FCN1: variants seen among roughly 807,000 people sequenced by gnomAD.
FCN1 encodes ficolin 1, also known as ficolin-1.
FCN1 carries 42 observed loss-of-function variants against 35.6 expected under a neutral mutation model. That is an observed-to-expected ratio of 1.18 (90% CI 0.92 to 1.53). The LOEUF is 1.53. FCN1 is among the 40% of genes most tolerant of loss of function. FCN1 has a pLI of 0.00. For synonymous variants in FCN1, 179 were observed against 169.8 expected (o/e 1.05, Z -0.42); for missense variants, 439 against 428.4 (o/e 1.02, Z -0.22).
At chr9:134,914,053 A>G (rs1588152865) in intron 4 of FCN1, among the ~76,000 whole-genome samples, 1 of 152,332 alleles carries the variant, frequency 6.6e-6, no homozygotes, top group Middle Eastern at 3.4e-3. Flanking sequence ...GGAGCGTGGT[A>G]CAGTGTATTA....
At position 134,914,389 on chromosome 9, in the gene FCN1, C is replaced by T; in HGVS notation, c.303G>A (p.Glu101=). The T allele has an allele frequency of 6.2e-7, 1 of 1,614,124 alleles. No individual in the cohort carries two copies. The highest frequency in any genetic ancestry group is 8.5e-7 in the Non-Finnish European group (1 of 1,179,946). Reference sequence around the variant, plus strand: ...CTGGGCCCACGGGTGGCTCACCTTTCTCTCCACGCATCCCCTTCTCTCCTC... The same window carrying T: ...CTGGGCCCACGGGTGGCTCACCTTTTTCTCCACGCATCCCCTTCTCTCCTC... ...GDRGEKGMRG[E]KGDAGQSQSC... The change falls in exon 4 of 9, where the codon GAG becomes GAA. Residue 101 remains glutamate (E), a synonymous_variant. Transcript: ENST00000371806.
At position 134,914,008 on chromosome 9, in the gene FCN1, GCC is replaced by G. The variant is rs552398089; in HGVS notation, c.307+375_307+376del. 2.8e-3 allele frequency among the ~76,000 whole-genome samples: 424 copies of G among 152,340 alleles called. 2 individuals are homozygous for G. Among genetic ancestry groups the G allele is most frequent in the African/African-American group, 9.3e-3 (388 of 41,576 alleles). ...GGACTCAGGTATCGGCGGACCCTCAGCCCCCGGCTCCGGTTTTCATTTGTGTT... is the reference window on the plus strand; with the variant it reads ...GGACTCAGGTATCGGCGGACCCTCAGCCCGGCTCCGGTTTTCATTTGTGTT... On this transcript the variant is annotated intron_variant, in intron 4 of 8. Transcript: ENST00000371806.
In FCN1 at chr9:134,914,811, T is replaced by C. The variant is rs750414626; in HGVS notation, c.218-2A>G. 1.9e-6 allele frequency: 3 copies of C among 1,610,762 alleles called. No individual in the cohort carries two copies. The highest frequency in any genetic ancestry group is 2.5e-6 in the Non-Finnish European group (3 of 1,177,952). ...GGGCTCCAGGGAGACCGCGTTCTCC[T>C]GAAAATTCCAAAGACATATCACTGA... On this transcript the variant is annotated splice_acceptor_variant, in intron 2 of 8. Transcript: ENST00000371806. LOFTEE classifies it high-confidence loss of function.
rs969599711 is a variant in FCN1, at chr9:134,905,621, C to G, written c.*4177G>C. On this transcript the variant is annotated 3_prime_UTR_variant, in exon 9 of 9. Transcript: ENST00000371806. ...GCCTCAGCTTCTCGAGTAGCTGGGA[C>G]GATAGGCATCCCCCACCATGAACGG... Among the ~76,000 whole-genome samples, 1 of 151,618 alleles carries G rather than the reference C, an allele frequency of 6.6e-6. No homozygotes were observed. The highest frequency in any genetic ancestry group is 2.4e-5 in the African/African-American group (1 of 41,170).
intron 2 of FCN1, among the ~76,000 whole-genome samples, chr9:134,915,380 G>C (rs1488903532): frequency 3.3e-5 from 5 of 152,308 alleles, no homozygotes; most frequent in Admixed American, 6.5e-5. Flanking sequence ...GACCCCAGTG[G>C]CTGGGGAGAG....
In FCN1 at chr9:134,909,776, A is replaced by G; in HGVS notation, c.*22T>C. 1.2e-6 allele frequency: 2 copies of G among 1,611,640 alleles called. No individual in the cohort carries two copies. Among genetic ancestry groups the G allele is most frequent in the Non-Finnish European group, 1.7e-6 (2 of 1,179,796 alleles). The stretch of plus-strand genomic sequence containing the variant: ...GTGTGGCCTCCCCACTAGCAGGTGC[A>G]TGTGGAGGGGTCCTGGCCCGTCTAG... On this transcript the variant is annotated 3_prime_UTR_variant, in exon 9 of 9. Coordinates refer to ENST00000371806, the MANE Select transcript of FCN1 (RefSeq NM_002003.5).
At position 134,912,606 on chromosome 9, in the gene FCN1, G is replaced by C. The variant is rs143226419; in HGVS notation, c.478C>G (p.Arg160Gly). 1 of 1,613,972 alleles carries C rather than the reference G, an allele frequency of 6.2e-7. No individual in the cohort carries two copies. Among genetic ancestry groups the C allele is most frequent in the South Asian group, 1.1e-5 (1 of 91,088 alleles). Reference sequence around the variant, plus strand: ...AAGTCCACAGAGCCATCCATCCTCCGCTGGAAAACCTGTGAAGAAGCCAGG... The same window carrying C: ...AAGTCCACAGAGCCATCCATCCTCCCCTGGAAAACCTGTGAAGAAGCCAGG... ...TDGGGWTVFQ[R>G]RMDGSVDFYR... Residue 160 changes from arginine to glycine, a missense_variant, in exon 7 of 9, where the codon CGG becomes GGG. Arg to Gly is a moderately radical substitution (Grantham distance 125). Transcript: ENST00000371806.
In FCN1 at chr9:134,905,428, G is replaced by T. The variant is rs1830930701; in HGVS notation, c.*4370C>A. ...CAAAAGCTCTCTCAGTTCTGCTGAT[G>T]TGAGTTGGGGAGGAATTGGTGATGG... On this transcript the variant is annotated 3_prime_UTR_variant, in exon 9 of 9. Transcript: ENST00000371806. 1.3e-5 allele frequency among the ~76,000 whole-genome samples: 2 copies of T among 152,234 alleles called. No individual in the cohort carries two copies. The highest frequency in any genetic ancestry group is 2.9e-5 in the Non-Finnish European group (2 of 68,036).
rs1424668982 is a variant in FCN1 at position 134,903,693 on chromosome 9, A to T, written c.*6105T>A. Among the ~76,000 whole-genome samples the T allele has an allele frequency of 1.3e-5, 2 of 152,208 alleles. No individual in the cohort carries two copies. Among genetic ancestry groups the T allele is most frequent in the African/African-American group, 2.4e-5 (1 of 41,456 alleles). On this transcript the variant is annotated 3_prime_UTR_variant, in exon 9 of 9. Transcript: ENST00000371806. ...CAAGTGTGCCAAAAAACTAAGATTA[A>T]AAAGAAACAAAAAACAGAAGATAAG...
Position 134,917,350 on chromosome 9 carries a change from C to T in FCN1, c.103+419G>A, listed in dbSNP as rs140995990. Among the ~76,000 whole-genome samples, 330 of 152,334 alleles carry T rather than the reference C, an allele frequency of 2.2e-3. 1 individual carries two copies. Among genetic ancestry groups the T allele is most frequent in the South Asian group, 0.011 (52 of 4,822 alleles). On this transcript the variant is annotated intron_variant, in intron 1 of 8. Coordinates refer to ENST00000371806, the MANE Select transcript of FCN1 (RefSeq NM_002003.5). ...AAACCCTTGTCCCTATCAACTGATT[C>T]CGACTCTCTTGGAGGAGAGCCAGAA...
rs1441752328 is a variant in FCN1 at position 134,908,080 on chromosome 9, G to A, written c.*1718C>T. On this transcript the variant is annotated 3_prime_UTR_variant, in exon 9 of 9. Transcript: ENST00000371806. ...AGTGTATGCAAATCTCCCTCCCACA[G>A]TCACCTTTGACACTGGTGCTATCCA... 6.6e-6 allele frequency: 1 copy of A among 152,308 alleles called. No individual in the cohort carries two copies. The highest frequency in any genetic ancestry group is 2.4e-5 in the African/African-American group (1 of 41,430). The allele number at this position is 152,308 out of a possible 1,614,324, so 9.4% of individuals were successfully genotyped here.
intron 8 of FCN1, among the ~76,000 whole-genome samples, chr9:134,910,371 C>G (rs1360592494): frequency 6.6e-6 from 1 of 152,182 alleles, no homozygotes; most frequent in Non-Finnish European, 1.5e-5. Flanking sequence ...TCCTTCCGGT[C>G]TCTCCCCACG....
intron 2 of FCN1, among the ~76,000 whole-genome samples, chr9:134,915,404 G>C (rs1003527295): frequency 6.6e-6 from 1 of 152,176 alleles, no homozygotes; most frequent in Non-Finnish European, 1.5e-5. Context: ...ATGGGGGCTG[G>C]TTCTTGCTTT....
intron 2 of FCN1, among the ~76,000 whole-genome samples, chr9:134,915,657 A>G (rs778709787): frequency 6.6e-6 from 1 of 152,156 alleles, no homozygotes; most frequent in Non-Finnish European, 1.5e-5. Flanking sequence ...AGCTTGTCCC[A>G]TCTACACTGG....
rs147309328 is a variant in FCN1 at position 134,913,113 on chromosome 9, C to T, written c.371G>A (p.Arg124Gln). 7.7e-4 allele frequency: 1,249 copies of T among 1,613,940 alleles called. 1 individual carries two copies. The highest frequency in any genetic ancestry group is 1.0e-3 in the Non-Finnish European group (1,200 of 1,179,948). ...GPRNCKDLLD[R>Q]GYFLSGWHTI... is the part of the protein sequence containing the mutation. Reference sequence around the variant, plus strand: ...GTGCCAGCCGCTCAGGAAATACCCCCGGTCTAGCAGGTCCTTGCAGTTGCG... The same window carrying T: ...GTGCCAGCCGCTCAGGAAATACCCCTGGTCTAGCAGGTCCTTGCAGTTGCG... The change falls in exon 6 of 9, where the codon CGG (arginine) becomes CAG (glutamine). Residue 124 changes from arginine to glutamine, a missense_variant. Arg to Gln is a conservative substitution (Grantham distance 43, BLOSUM62 1). Transcript: ENST00000371806.
rs560849342 is a variant in FCN1 at position 134,905,731 on chromosome 9, G to C, written c.*4067C>G. 6.6e-6 allele frequency among the ~76,000 whole-genome samples: 1 copy of C among 151,186 alleles called. No homozygotes were observed. The highest frequency in any genetic ancestry group is 1.5e-5 in the Non-Finnish European group (1 of 67,870). On this transcript the variant is annotated 3_prime_UTR_variant, in exon 9 of 9. Coordinates refer to ENST00000371806, the MANE Select transcript of FCN1 (RefSeq NM_002003.5). Reference sequence around the variant, plus strand: ...GATCTCCTGACCTTGTGATCCGCCCGCCTCGGCCTCCCAAAGTGCTGGGAT... The same window carrying C: ...GATCTCCTGACCTTGTGATCCGCCCCCCTCGGCCTCCCAAAGTGCTGGGAT...
At position 134,917,835 on chromosome 9, in the gene FCN1, C is replaced by A; in HGVS notation, c.37G>T (p.Ala13Ser). 1.2e-6 allele frequency: 2 copies of A among 1,613,904 alleles called. No individual in the cohort carries two copies. The highest frequency in any genetic ancestry group is 1.1e-5 in the South Asian group (1 of 91,076). The change falls in exon 1 of 9, where the codon GCT becomes TCT. Residue 13 changes from alanine to serine, a missense_variant. Ala to Ser is a moderately conservative substitution (Grantham distance 99). Coordinates refer to ENST00000371806, the MANE Select transcript of FCN1 (RefSeq NM_002003.5). The stretch of plus-strand genomic sequence containing the variant: ...TGCAGGAACAAGACTAGCAGGACAG[C>A]GAGCCCCCGGGCCATGGTGGCTCCA... Reference protein sequence around the residue: ...LSGATMARGLAVLLVLFLHIK... With the variant: ...LSGATMARGLSVLLVLFLHIK...
chr9:134,906,454 A>G lies in FCN1; in HGVS notation c.*3344T>C, dbSNP rs1830958664. 1 of 152,212 alleles carries G rather than the reference A, an allele frequency of 6.6e-6. No individual in the cohort carries two copies. The highest frequency in any genetic ancestry group is 6.5e-5 in the Admixed American group (1 of 15,284). 9.4% of individuals were successfully genotyped at this position (152,212 alleles called of 1,614,324 possible). On this transcript the variant is annotated 3_prime_UTR_variant, in exon 9 of 9. Coordinates refer to ENST00000371806, the MANE Select transcript of FCN1 (RefSeq NM_002003.5). ...TTAAAATTGCAATAAGAAGTGGAAT[A>G]CACTCAAATTTCTCCTGCGGCATTT...
intron 3 of FCN1, 31 bp from the exon 4 acceptor site, chr9:134,914,451 G>A: frequency 3.1e-6 from 5 of 1,605,994 alleles, no homozygotes; most frequent in Non-Finnish European, 8.5e-7. Context: ...ATGAGCTTTT[G>A]ACCCCAGATG....
Sources: gnomAD v4.1 joint callset for allele counts (sites outside exome capture counted in the v4.1 genomes callset) on GRCh38, gnomAD v4.1.1 for gene constraint, MANE v1.5 for transcripts, NCBI Gene and HGNC (gene_info 2026-07-23, HGNC 2026-07-21) for gene names.